The following TNFAIP8L3 variants were observed in gnomAD, a reference collection of about 807,000 sequenced individuals.
The protein encoded by TNFAIP8L3 is tumor necrosis factor alpha-induced protein 8-like protein 3.
A neutral mutation model predicts 11.8 loss-of-function variants in TNFAIP8L3; 7 were observed. That is an observed-to-expected ratio of 0.59 (90% CI 0.34 to 1.11). The LOEUF (loss-of-function observed/expected upper bound fraction) is 1.11. Among genes scored for constraint, TNFAIP8L3 ranks in the 50% most tolerant of loss-of-function variants. The probability of loss-of-function intolerance (pLI) is 0.03; values close to 1 mark genes in which losing one functional copy is unlikely to be tolerated. For missense variants in TNFAIP8L3, 219 were observed against 258.6 expected (o/e 0.85, Z 1.05); for synonymous variants, 98 against 103.8 (o/e 0.94, Z 0.34).
At chr15:51,075,000 C>T (rs866957520) in intron 1 of TNFAIP8L3, among the ~76,000 whole-genome samples, 8 of 152,212 alleles carry the variant, frequency 5.3e-5, no homozygotes, top group Non-Finnish European at 1.0e-4. Flanking sequence ...CTCAGAAGAC[C>T]TGTGAATCCC....
At chr15:51,058,851 G>A (rs1372009331) in intron 1 of TNFAIP8L3, among the ~76,000 whole-genome samples, 2 of 152,242 alleles carry the variant, frequency 1.3e-5, no homozygotes, top group Non-Finnish European at 1.5e-5. Flanking sequence ...TTAATGGCAC[G>A]AATGTAGCCC....
chr15:51,070,291 AAAC>A lies in TNFAIP8L3; in HGVS notation c.53-11851_53-11849del, dbSNP rs1162556464. 5.9e-5 allele frequency among the ~76,000 whole-genome samples: 9 copies of A among 152,204 alleles called. No individual in the cohort carries two copies. In the South Asian group the frequency reaches 1.2e-3, roughly 21 times the overall value. Reference sequence around the variant, plus strand: ...ACTGCAGAAAAGTAACCATCACTAAAAACAACATCTACTTACATGATTTCTTTA... The same window carrying A: ...ACTGCAGAAAAGTAACCATCACTAAAAACATCTACTTACATGATTTCTTTA... On this transcript the variant is annotated intron_variant, in intron 1 of 1. Transcript: ENST00000637513.
At chr15:51,066,068 A>AG (rs2065269077) in intron 1 of TNFAIP8L3, among the ~76,000 whole-genome samples, 1 of 150,086 alleles carries the variant, frequency 6.7e-6, no homozygotes, top group African/African-American at 2.5e-5. Flanking sequence ...CTTAATTGTT[A>AG]GGGGGAAAAA....
chr15:51,073,797 G>C (rs1426153172), intron 1 of TNFAIP8L3, among the ~76,000 whole-genome samples: 2 of 152,188 alleles, frequency 1.3e-5, no homozygotes, highest in Non-Finnish European at 2.9e-5. Context: ...AATGTTTGCT[G>C]TGGGTTTTGA....
intron 1 of TNFAIP8L3, among the ~76,000 whole-genome samples, chr15:51,076,489 A>G (rs2065350971): frequency 1.3e-5 from 2 of 152,180 alleles, no homozygotes; most frequent in Admixed American, 1.3e-4. Context: ...AATGGCTAAG[A>G]ATAGAATTTT....
chr15:51,100,527 G>T (rs1255740816), intron 1 of TNFAIP8L3, among the ~76,000 whole-genome samples: 1 of 152,166 alleles, frequency 6.6e-6, no homozygotes, highest in African/African-American at 2.4e-5. Context: ...GTGGGTCTTA[G>T]TTGTCCATAA....
intron 1 of TNFAIP8L3, among the ~76,000 whole-genome samples, chr15:51,061,426 A>C (rs925976542): frequency 2.6e-5 from 4 of 152,256 alleles, no homozygotes; most frequent in Non-Finnish European, 5.9e-5. Flanking sequence ...AAATAGTGAC[A>C]TTTTCAAATT....
Position 51,072,989 on chromosome 15 carries a change from C to CTTTTTTTTTTTTTTTTTTTTTTTTT in TNFAIP8L3, c.53-14547_53-14546insAAAAAAAAAAAAAAAAAAAAAAAAA, listed in dbSNP as rs2065321403. On this transcript the variant is annotated intron_variant, in intron 1 of 1. Transcript: ENST00000637513. ...ATGTTGATCTGAAGTAAACTGGGATCCTTTTTTTTTTTTTTTTTTTTTTTG... is the reference window on the plus strand; with the variant it reads ...ATGTTGATCTGAAGTAAACTGGGATCTTTTTTTTTTTTTTTTTTTTTTTTTCTTTTTTTTTTTTTTTTTTTTTTTG... 1.1e-4 allele frequency among the ~76,000 whole-genome samples: 5 copies of CTTTTTTTTTTTTTTTTTTTTTTTTT among 45,752 alleles called. 2 individuals are homozygous for CTTTTTTTTTTTTTTTTTTTTTTTTT. Among genetic ancestry groups the CTTTTTTTTTTTTTTTTTTTTTTTTT allele is most frequent in the African/African-American group, 2.1e-4 (2 of 9,672 alleles). 30.0% of individuals were successfully genotyped at this position (45,752 alleles called of 152,430 possible).
rs570765491 is a variant in TNFAIP8L3, at chr15:51,059,627, G to A, written c.53-1184C>T. On this transcript the variant is annotated intron_variant, in intron 1 of 1. Coordinates refer to ENST00000637513, the MANE Select transcript of TNFAIP8L3 (RefSeq NM_001311175.2). ...CAATGTCTCCCACAGCACCTAGCTCGTTCTGAGCATAGGGAATGGTGCTGT... is the reference window on the plus strand; with the variant it reads ...CAATGTCTCCCACAGCACCTAGCTCATTCTGAGCATAGGGAATGGTGCTGT... Among the ~76,000 whole-genome samples the A allele has an allele frequency of 9.1e-4, 139 of 152,330 alleles. 6 individuals carry two copies. The South Asian group carries it at 0.021, about 23-fold the overall frequency.
chr15:51,057,849 AAAGC>A lies in TNFAIP8L3; in HGVS notation c.*28_*31del, dbSNP rs1466580331. On this transcript the variant is annotated 3_prime_UTR_variant, in exon 2 of 2. Coordinates refer to ENST00000637513, the MANE Select transcript of TNFAIP8L3 (RefSeq NM_001311175.2). ...GATCATGGTTGAGTGCTGTAACTTT[AAAGC>A]AGCAAAGTCCAGTAGGAGGGAAGGC... 21 of 1,520,060 alleles carry A rather than the reference AAAGC, an allele frequency of 1.4e-5. No individual in the cohort carries two copies. The highest frequency in any genetic ancestry group is 1.9e-5 in the Non-Finnish European group (21 of 1,131,330). 94.2% of individuals were successfully genotyped at this position (1,520,060 alleles called of 1,614,324 possible).
chr15:51,105,191 C>CGGGA (rs2065581795), exon 1 of TNFAIP8L3: 2 of 1,612,252 alleles, frequency 1.2e-6, no homozygotes, highest in African/African-American at 2.7e-5. Context: ...ACTCAGGTGT[C>CGGGA]CTTCTTGGGA....
At chr15:51,078,857 C>T (rs1363515420) in intron 1 of TNFAIP8L3, among the ~76,000 whole-genome samples, 4 of 152,142 alleles carry the variant, frequency 2.6e-5, no homozygotes, top group Non-Finnish European at 5.9e-5. Flanking sequence ...TTTAAATGCA[C>T]CTGCCTTCCT....
At position 51,082,185 on chromosome 15, in the gene TNFAIP8L3, G is replaced by A. The variant is rs117025858; in HGVS notation, c.52+12359C>T. ...TGCCATTGGGTGAACATCATACGGT[G>A]TACTTATACAAACCTAGATGGTCAA... is the stretch of plus-strand genomic sequence containing the variant. On this transcript the variant is annotated intron_variant, in intron 1 of 1. Transcript: ENST00000637513. 2.0e-3 allele frequency among the ~76,000 whole-genome samples: 301 copies of A among 152,064 alleles called. 2 individuals are homozygous for A. In the Middle Eastern group the frequency reaches 0.02, roughly 10 times the overall value.
intron 1 of TNFAIP8L3, among the ~76,000 whole-genome samples, chr15:51,092,840 T>C (rs1425792786): frequency 6.6e-6 from 1 of 152,188 alleles, no homozygotes; most frequent in Non-Finnish European, 1.5e-5. Flanking sequence ...TTCTCCTCCC[T>C]GCCCCCGGCT....
At chr15:51,087,919 T>TTATATATATATATATATA (rs6145560) in intron 1 of TNFAIP8L3, among the ~76,000 whole-genome samples, 1,730 of 101,374 alleles carry the variant, frequency 0.017, 129 homozygotes, top group Non-Finnish European at 0.023. Flanking sequence ...TAGCATACCT[T>TTATATATATATATATATA]TATATATATA....
At chr15:51,085,637 T>A (rs1595616435) in intron 1 of TNFAIP8L3, among the ~76,000 whole-genome samples, 2 of 148,402 alleles carry the variant, frequency 1.3e-5, no homozygotes, top group African/African-American at 4.9e-5. Context: ...TTTTTTTTTT[T>A]AATTACATGT....
chr15:51,082,878 C>G (rs11631783), intron 1 of TNFAIP8L3, among the ~76,000 whole-genome samples: 3 of 151,996 alleles, frequency 2.0e-5, no homozygotes, highest in Non-Finnish European at 4.4e-5. Flanking sequence ...ACTACTATCA[C>G]GTCCAAAATA....
At chr15:51,098,147 GATA>G (rs1464375881), upstream of TNFAIP8L3, among the ~76,000 whole-genome samples, 1 of 152,174 alleles carries the variant, frequency 6.6e-6, no homozygotes, top group Non-Finnish European at 1.5e-5. Flanking sequence ...TCAAGAAACA[GATA>G]ATAAAATAGA....
chr15:51,102,985 C>T (rs2065564940), intron 1 of TNFAIP8L3, among the ~76,000 whole-genome samples: 1 of 151,938 alleles, frequency 6.6e-6, no homozygotes. Context: ...AGACTCTCTC[C>T]CCTCTCCTCC....
Sources: gnomAD v4.1 joint callset for allele counts (sites outside exome capture counted in the v4.1 genomes callset) on GRCh38, gnomAD v4.1.1 for gene constraint, MANE v1.5 for transcripts, NCBI Gene and HGNC (gene_info 2026-07-23, HGNC 2026-07-21) for gene names.